Variants in NCEH1 observed in about 807,000 individuals in gnomAD.
NCEH1 encodes neutral cholesterol ester hydrolase 1.
Under a neutral mutation model 25.4 loss-of-function variants are expected in NCEH1, and 9 were observed. The ratio of observed to expected loss-of-function variants is 0.35; its 90% CI spans 0.21 to 0.62. The LOEUF (loss-of-function observed/expected upper bound fraction) is 0.62. Ranked by LOEUF, NCEH1 falls within the 20% of genes least tolerant of loss-of-function variation. The pLI is 0.72. For synonymous variants in NCEH1, 200 were observed against 199.8 expected, an observed-to-expected ratio of 1.00 and a Z score of -0.01; for missense variants, 412 against 501.1, an observed-to-expected ratio of 0.82 and a Z score of 1.70.
At chr3:172,641,328 C>G (rs1469772088) in intron 3 of NCEH1, among the ~76,000 whole-genome samples, 1 of 152,110 alleles carries the variant, frequency 6.6e-6, no homozygotes, top group Non-Finnish European at 1.5e-5. Context: ...GGAGACATAG[C>G]TTTTACGTAG....
intron 1 of NCEH1, among the ~76,000 whole-genome samples, chr3:172,651,782 C>T (rs890390530): frequency 3.3e-5 from 5 of 152,118 alleles, no homozygotes; most frequent in African/African-American, 1.2e-4. Context: ...TGTTTTCGAA[C>T]TCCTGGCCTC....
intron 1 of NCEH1, among the ~76,000 whole-genome samples, chr3:172,674,849 T>A (rs1711862384): frequency 6.6e-6 from 1 of 152,134 alleles, no homozygotes; most frequent in African/African-American, 2.4e-5. Context: ...GCAGGAAAAA[T>A]TTAGTCAAAG....
rs367561332 is a variant in NCEH1, at chr3:172,711,039, C to T, written c.-55G>A. Reference sequence around the variant, plus strand: ...GGCAAAGAGGAAAGGGCGATACCACCCGGAGACCTCCGGCAACTTTCTGCC... The same window carrying T: ...GGCAAAGAGGAAAGGGCGATACCACTCGGAGACCTCCGGCAACTTTCTGCC... On this transcript the variant is annotated 5_prime_UTR_variant, in exon 1 of 5. Coordinates refer to ENST00000475381, the MANE Select transcript of NCEH1 (RefSeq NM_020792.6). The T allele has an allele frequency of 1.9e-6, 3 of 1,611,452 alleles. No homozygotes were observed. The highest frequency in any genetic ancestry group is 1.7e-6 in the Non-Finnish European group (2 of 1,178,290).
rs760668018 is a variant in NCEH1, at chr3:172,634,112, T to C, written c.610-20A>G. On this transcript the variant is annotated intron_variant, in intron 4 of 4. Coordinates refer to ENST00000475381, the MANE Select transcript of NCEH1 (RefSeq NM_020792.6). ...AGTAAACTAGAGAAGAGGAAGCAAATACATTATTTCATTTTGCATGCCTTC... is the reference window on the plus strand; with the variant it reads ...AGTAAACTAGAGAAGAGGAAGCAAACACATTATTTCATTTTGCATGCCTTC... 15 of 1,601,136 alleles carry C rather than the reference T, an allele frequency of 9.4e-6. No homozygotes were observed. The African/African-American group carries it at 1.7e-4, about 19-fold the overall frequency.
intron 1 of NCEH1, among the ~76,000 whole-genome samples, chr3:172,656,899 G>A (rs948749490): frequency 6.6e-6 from 1 of 152,048 alleles, no homozygotes; most frequent in African/African-American, 2.4e-5. Context: ...TGCCAATGCC[G>A]ATGCCAATGA....
chr3:172,695,794 A>C (rs1713328480), intron 1 of NCEH1, among the ~76,000 whole-genome samples: 1 of 151,946 alleles, frequency 6.6e-6, no homozygotes. Context: ...AAATACAAAA[A>C]TTAGCTGAGC....
At chr3:172,648,660 T>C (rs1717248857) in intron 1 of NCEH1, among the ~76,000 whole-genome samples, 1 of 152,124 alleles carries the variant, frequency 6.6e-6, no homozygotes, top group African/African-American at 2.4e-5. Flanking sequence ...TCTTGTCCTT[T>C]TGAAAGGAGC....
chr3:172,638,870 A>G (rs1716721775), intron 3 of NCEH1, among the ~76,000 whole-genome samples: 1 of 152,252 alleles, frequency 6.6e-6, no homozygotes, highest in Non-Finnish European at 1.5e-5. Context: ...ATAATAGGAT[A>G]AACATGCTTA....
chr3:172,695,408 TG>T (rs1159316312), intron 1 of NCEH1, among the ~76,000 whole-genome samples: 2 of 152,176 alleles, frequency 1.3e-5, no homozygotes, highest in African/African-American at 4.8e-5. Context: ...CAAAGCCCAG[TG>T]GAGCTCCTTG....
intron 1 of NCEH1, among the ~76,000 whole-genome samples, chr3:172,689,326 TCAG>T (rs1449919008): frequency 1.4e-5 from 2 of 145,310 alleles, no homozygotes; most frequent in African/African-American, 5.2e-5. Flanking sequence ...TGGCGTGATC[TCAG>T]CTCACCGCAA....
chr3:172,692,538 A>AT lies in NCEH1; in HGVS notation c.138+18308dup, dbSNP rs1368296827. Among the ~76,000 whole-genome samples, 4 of 128,616 alleles carry AT rather than the reference A, an allele frequency of 3.1e-5. No individual in the cohort carries two copies. The South Asian group carries it at 7.3e-4, about 24-fold the overall frequency. The allele number at this position is 128,616 out of a possible 152,430, so 84.4% of individuals were successfully genotyped here. A position where few individuals can be genotyped will look rare whatever the true frequency, so the allele number is the denominator to read the frequency against. Reference sequence around the variant, plus strand: ...ACACCTGGCTAATTTTTTTTTTTTAATTTTTTTGTAGAGATGGGGTTGCAC... The same window carrying AT: ...ACACCTGGCTAATTTTTTTTTTTTAATTTTTTTTGTAGAGATGGGGTTGCAC... On this transcript the variant is annotated intron_variant, in intron 1 of 4. Coordinates refer to ENST00000475381, the MANE Select transcript of NCEH1 (RefSeq NM_020792.6).
chr3:172,637,569 A>G (rs1716649778), intron 3 of NCEH1, among the ~76,000 whole-genome samples: 1 of 151,772 alleles, frequency 6.6e-6, no homozygotes, highest in South Asian at 2.1e-4. Flanking sequence ...CCTGGCCAAC[A>G]TGGTGAAACC....
chr3:172,665,957 A>AC (rs2108509236), intron 1 of NCEH1, among the ~76,000 whole-genome samples: 1 of 152,154 alleles, frequency 6.6e-6, no homozygotes, highest in African/African-American at 2.4e-5. Context: ...GCGATGCCCC[A>AC]CCCTGCTTTG....
Position 172,645,655 on chromosome 3 carries a change from A to G in NCEH1, c.405T>C (p.Ala135=). 2 of 1,603,186 alleles carry G rather than the reference A, an allele frequency of 1.2e-6. No individual in the cohort carries two copies. The highest frequency in any genetic ancestry group is 1.7e-6 in the Non-Finnish European group (2 of 1,174,742). ...AAACAATGACAGCATTCAATTCCTC[A>G]GCCATTGCTGTACACAGCTCATCAT... The part of the protein sequence containing the change: ...RYYDELCTAM[A]EELNAVIVSI... The change falls in exon 3 of 5, where the codon GCT becomes GCC. Residue 135 remains alanine (A), a synonymous_variant. Coordinates refer to ENST00000475381, the MANE Select transcript of NCEH1 (RefSeq NM_020792.6).
intron 1 of NCEH1, among the ~76,000 whole-genome samples, chr3:172,667,396 C>T (rs1457108902): frequency 6.6e-6 from 1 of 152,238 alleles, no homozygotes; most frequent in African/African-American, 2.4e-5. Context: ...TCAAAGACGA[C>T]ACAGTCTCTC....
At chr3:172,706,499 CTTTTTTTTT>C (rs768288361) in intron 1 of NCEH1, among the ~76,000 whole-genome samples, 4 of 126,466 alleles carry the variant, frequency 3.2e-5, no homozygotes, top group Non-Finnish European at 6.6e-5. Context: ...TTACATTTTT[CTTTTTTTTT>C]TTTTTTTTTT....
At chr3:172,660,668 CT>C (rs1717933490) in intron 1 of NCEH1, among the ~76,000 whole-genome samples, 1 of 152,206 alleles carries the variant, frequency 6.6e-6, no homozygotes, top group Non-Finnish European at 1.5e-5. Context: ...GATTGCCATT[CT>C]AACTGGTGTG....
chr3:172,658,545 T>G lies in NCEH1; in HGVS notation c.139-10431A>C, dbSNP rs886636616. The stretch of plus-strand genomic sequence containing the variant: ...TTAAGCCAACCTGTAAAGCACAAAA[T>G]AAGTAGGCAATAGTAGGGTTCTCTC... On this transcript the variant is annotated intron_variant, in intron 1 of 4. Coordinates refer to ENST00000475381, the MANE Select transcript of NCEH1 (RefSeq NM_020792.6). 2.6e-5 allele frequency among the ~76,000 whole-genome samples: 4 copies of G among 152,290 alleles called. No homozygotes were observed. The East Asian group carries it at 7.7e-4, about 29-fold the overall frequency.
At chr3:172,708,078 T>A (rs1231251822) in intron 1 of NCEH1, among the ~76,000 whole-genome samples, 1 of 152,194 alleles carries the variant, frequency 6.6e-6, no homozygotes, top group Non-Finnish European at 1.5e-5. Flanking sequence ...TCTTAAGGAA[T>A]ATGGGGAACC....
Sources: allele counts gnomAD v4.1 joint callset (sites outside exome capture counted in the v4.1 genomes callset), GRCh38; gene constraint gnomAD v4.1.1; transcripts MANE v1.5; gene names NCBI Gene and HGNC (gene_info 2026-07-23, HGNC 2026-07-21).